The following GLO1 variants were observed in gnomAD, a reference collection of about 807,000 sequenced individuals.
GLO1 encodes the protein glyoxalase I.
GLO1 carries 28 observed loss-of-function variants against 26.0 expected under a neutral mutation model. The ratio of observed to expected loss-of-function variants is 1.08; its 90% CI spans 0.80 to 1.48. The LOEUF is 1.48. Ranked by LOEUF, GLO1 falls within the 40% of genes most tolerant of loss-of-function variation. The pLI is 0.00. For missense variants in GLO1, 225 were observed against 224.8 expected (o/e 1.00, Z -0.01); for synonymous variants, 78 against 77.6 (o/e 1.00, Z -0.03).
At chr6:38,689,129 C>T (rs760179849) in intron 1 of GLO1, among the ~76,000 whole-genome samples, 6 of 152,176 alleles carry the variant, frequency 3.9e-5, no homozygotes, top group Non-Finnish European at 8.8e-5. Flanking sequence ...AAGCTGGGAC[C>T]CCTGTCCGAC....
chr6:38,679,966 T>C lies in GLO1; in HGVS notation c.466+2046A>G, dbSNP rs1018191643. ...ATACATTTGGGAGAAAATTAGCTAA[T>C]TGGTATTCCAGTTTGAGGAAATCTC... On this transcript the variant is annotated intron_variant, in intron 5 of 5. Coordinates refer to ENST00000373365, the MANE Select transcript of GLO1 (RefSeq NM_006708.3). Among the ~76,000 whole-genome samples, 4 of 152,200 alleles carry C rather than the reference T, an allele frequency of 2.6e-5. No individual in the cohort carries two copies. In the East Asian group the frequency reaches 7.7e-4, roughly 29 times the overall value.
At chr6:38,700,783 GTT>G (rs34141605) in intron 1 of GLO1, among the ~76,000 whole-genome samples, 3 of 139,284 alleles carry the variant, frequency 2.2e-5, no homozygotes, top group Admixed American at 7.2e-5. Context: ...TTCATTGAGG[GTT>G]TTTTTTTTTT....
In GLO1 at chr6:38,684,393, C is replaced by T. The variant is rs772582603; in HGVS notation, c.289G>A (p.Ala97Thr). ...EKIAWALSRK[A>T]TLELTHNWGT... ...ACTCACTGTGTCAGCTCAAGTGTAGCTTTTCTGGAGAGCGCCCAGGCTATT... is the reference window on the plus strand; with the variant it reads ...ACTCACTGTGTCAGCTCAAGTGTAGTTTTTCTGGAGAGCGCCCAGGCTATT... Residue 97 changes from alanine to threonine, a missense_variant, in exon 3 of 6, where the codon GCT becomes ACT. Transcript: ENST00000373365. 6.6e-7 allele frequency: 1 copy of T among 1,524,970 alleles called. No homozygotes were observed. The highest frequency in any genetic ancestry group is 1.3e-5 in the South Asian group (1 of 76,948). The allele number at this position is 1,524,970 out of a possible 1,614,324, so 94.5% of individuals were successfully genotyped here.
In GLO1 at chr6:38,677,230, A is replaced by G. The variant is rs916330118; in HGVS notation, c.*65T>C. The G allele has an allele frequency of 8.6e-6, 7 of 812,778 alleles. No homozygotes were observed. The highest frequency in any genetic ancestry group is 1.5e-5 in the Non-Finnish European group (7 of 452,332). The allele number at this position is 812,778 out of a possible 1,614,324, so 50.3% of individuals were successfully genotyped here. ...TCCATCAGTCCTAGATGCTTCTGGTATGTAAATATCTTGAATCACATTGTT... is the reference window on the plus strand; with the variant it reads ...TCCATCAGTCCTAGATGCTTCTGGTGTGTAAATATCTTGAATCACATTGTT... On this transcript the variant is annotated 3_prime_UTR_variant, in exon 6 of 6. Transcript: ENST00000373365.
rs1313950780 is a variant in GLO1 at position 38,677,219 on chromosome 6, A to C, written c.*76T>G. The C allele has an allele frequency of 1.3e-6, 1 of 788,670 alleles. No homozygotes were observed. The highest frequency in any genetic ancestry group is 1.7e-5 in the African/African-American group (1 of 58,880). 48.9% of individuals were successfully genotyped at this position (788,670 alleles called of 1,614,324 possible). On this transcript the variant is annotated 3_prime_UTR_variant, in exon 6 of 6. Coordinates refer to ENST00000373365, the MANE Select transcript of GLO1 (RefSeq NM_006708.3). ...CGGGACAGTGATCCATCAGTCCTAG[A>C]TGCTTCTGGTATGTAAATATCTTGA...
rs754100427 is a variant in GLO1 at position 38,682,818 on chromosome 6, AG to A, written c.365del (p.Pro122LeufsTer29). On this transcript the variant is annotated frameshift_variant, in exon 4 of 6. Coordinates refer to ENST00000373365, the MANE Select transcript of GLO1 (RefSeq NM_006708.3). LOFTEE classifies it high-confidence loss of function. ...AACAGGCAAACTTACCGAATCCTCG[AG>A]GGTCTGAATTGCCATTGTGGTAACT... ...TQSYHNGNSDPRGFGHIGIAV... is the reference protein window; with the variant it reads ...TQSYHNGNSDXRGFGHIGIAV... The A allele has an allele frequency of 3.0e-5, 47 of 1,590,522 alleles. No individual in the cohort carries two copies. In the East Asian group the frequency reaches 1.0e-3, roughly 35 times the overall value.
chr6:38,682,905 T>G (rs1258201374), intron 3 of GLO1, 30 bp from the exon 4 acceptor site: 1 of 1,232,516 alleles, frequency 8.1e-7, no homozygotes. Flanking sequence ...ATAGCTACAA[T>G]GTCCTAGGGA....
chr6:38,682,799 C>G lies in GLO1; in HGVS notation c.376+9G>C. The G allele has an allele frequency of 6.5e-7, 1 of 1,542,660 alleles. No individual in the cohort carries two copies. The highest frequency in any genetic ancestry group is 9.0e-7 in the Non-Finnish European group (1 of 1,115,392). ...TCTACATATATCACATAAAAACAGG[C>G]AAACTTACCGAATCCTCGAGGGTCT... On this transcript the variant is annotated intron_variant, in intron 4 of 5. Transcript: ENST00000373365.
chr6:38,695,377 A>G (rs1235039844), intron 1 of GLO1, among the ~76,000 whole-genome samples: 8 of 152,106 alleles, frequency 5.3e-5, no homozygotes, highest in African/African-American at 1.7e-4. Flanking sequence ...ACATATACCC[A>G]TGTATATGTA....
At chr6:38,686,039 A>G (rs1464401299) in intron 2 of GLO1, among the ~76,000 whole-genome samples, 2 of 152,246 alleles carry the variant, frequency 1.3e-5, no homozygotes, top group Non-Finnish European at 2.9e-5. Flanking sequence ...AAAGTGTTCA[A>G]TAAATCTGTT....
chr6:38,681,952 GTAGGTGGTTAGTAAATA>G, intron 5 of GLO1, 43 bp downstream of exon 5: 2 of 852,130 alleles, frequency 2.3e-6, no homozygotes, highest in Non-Finnish European at 4.1e-6. Context: ...AGTGGCCTCT[GTAGGTGGTTAGTAAATA>G]TCAACTAAAG....
chr6:38,682,042 C>T lies in GLO1; in HGVS notation c.436G>A (p.Gly146Arg), dbSNP rs753230985. Residue 146 changes from glycine (G) to arginine (R), a missense_variant, in exon 5 of 6, where the codon GGA becomes AGA. Transcript: ENST00000373365. ...TCAGGTTTCTTCACAAATTTGACTC[C>T]CAGTTCTTCAAACCTTTTACAAGCA... ...YSACKRFEELGVKFVKKPDDG... is the reference protein window; with the variant it reads ...YSACKRFEELRVKFVKKPDDG... 6 of 1,587,224 alleles carry T rather than the reference C, an allele frequency of 3.8e-6. No individual in the cohort carries two copies. The East Asian group carries it at 1.3e-4, about 35-fold the overall frequency.
chr6:38,702,266 C>T (rs1161645241), intron 1 of GLO1, among the ~76,000 whole-genome samples: 1 of 152,226 alleles, frequency 6.6e-6, no homozygotes, highest in African/African-American at 2.4e-5. Flanking sequence ...AACACCACAC[C>T]TGAGTGAGTT....
In GLO1 at chr6:38,693,679, CTCTCTCTATATA is replaced by C. The variant is rs1170377793; in HGVS notation, c.85-6717_85-6706del. Among the ~76,000 whole-genome samples the C allele has an allele frequency of 2.8e-4, 27 of 96,374 alleles. 1 individual carries two copies. Among genetic ancestry groups the C allele is most frequent in the South Asian group, 1.0e-3 (3 of 2,874 alleles). 63.2% of individuals were successfully genotyped at this position (96,374 alleles called of 152,430 possible). A position where few individuals can be genotyped will look rare whatever the true frequency, so the allele number is the denominator to read the frequency against. ...TTCAGCTCTCTCTCTCTCTCTCTCT[CTCTCTCTATATA>C]TATATATATATATATTTGTTTTGTT... On this transcript the variant is annotated intron_variant, in intron 1 of 5. Coordinates refer to ENST00000373365, the MANE Select transcript of GLO1 (RefSeq NM_006708.3).
intron 1 of GLO1, among the ~76,000 whole-genome samples, chr6:38,695,693 C>A (rs1255957835): frequency 3.9e-5 from 6 of 152,152 alleles, no homozygotes; most frequent in Non-Finnish European, 7.3e-5. Flanking sequence ...AGGCTCCCCA[C>A]TCAGCTTTTG....
intron 1 of GLO1, 113 bp from the exon 2 acceptor site, chr6:38,687,087 T>TACCTAG: frequency 6.8e-7 from 1 of 1,469,142 alleles, no homozygotes. Flanking sequence ...CACCTACAAC[T>TACCTAG]TGCAAGGGCT....
chr6:38,683,039 C>A, intron 3 of GLO1, 164 bp from the exon 4 acceptor site: 8 of 562,074 alleles, frequency 1.4e-5, no homozygotes, highest in South Asian at 2.6e-5. Flanking sequence ...GGACAAATGG[C>A]CAAAGTATGA....
chr6:38,691,445 A>T (rs1761529523), intron 1 of GLO1, among the ~76,000 whole-genome samples: 1 of 152,066 alleles, frequency 6.6e-6, no homozygotes, highest in African/African-American at 2.4e-5. Flanking sequence ...AGTAGCTGGG[A>T]CTACAGGCAC....
intron 3 of GLO1, chr6:38,683,275 T>G (rs1388570973): frequency 6.2e-6 from 1 of 162,416 alleles, no homozygotes; most frequent in East Asian, 1.7e-4. Context: ...AAGCTTTATT[T>G]TGAATCAAGG....
Sources: allele counts gnomAD v4.1 joint callset (sites outside exome capture counted in the v4.1 genomes callset), GRCh38; gene constraint gnomAD v4.1.1; transcripts MANE v1.5; gene names NCBI Gene and HGNC (gene_info 2026-07-23, HGNC 2026-07-21).